Variants in JAKMIP2 observed in about 807,000 individuals in gnomAD.
JAKMIP2 encodes janus kinase and microtubule-interacting protein 2.
Under a neutral mutation model 115.0 loss-of-function variants are expected in JAKMIP2, and 25 were observed. The observed-to-expected ratio is 0.22, with a 90% CI of 0.16 to 0.30. The LOEUF is 0.30. Ranked by LOEUF, JAKMIP2 falls within the 10% of genes least tolerant of loss-of-function variation. The pLI, the probability that JAKMIP2 is intolerant of heterozygous loss-of-function variation, is 1.00. For missense variants in JAKMIP2, 642 were observed against 957.6 expected, an observed-to-expected ratio of 0.67 and a Z score of 4.35; for synonymous variants, 334 against 343.6, an observed-to-expected ratio of 0.97 and a Z score of 0.31.
At chr5:147,721,603 C>T (rs1230867734) in intron 1 of JAKMIP2, among the ~76,000 whole-genome samples, 3 of 152,150 alleles carry the variant, frequency 2.0e-5, no homozygotes, top group Non-Finnish European at 2.9e-5. Flanking sequence ...GTGGGAGTGA[C>T]CCGATTTTCC....
chr5:147,609,338 C>T (rs935415076), intron 20 of JAKMIP2, among the ~76,000 whole-genome samples: 1 of 152,192 alleles, frequency 6.6e-6, no homozygotes, highest in Non-Finnish European at 1.5e-5. Context: ...ATATTTAGTG[C>T]TTCCTTCAGG....
chr5:147,710,581 A>C (rs955562753), intron 1 of JAKMIP2, among the ~76,000 whole-genome samples: 11 of 152,196 alleles, frequency 7.2e-5, no homozygotes, highest in Non-Finnish European at 1.3e-4. Flanking sequence ...AAAGATTATA[A>C]TACTTGCTTT....
intron 1 of JAKMIP2, among the ~76,000 whole-genome samples, chr5:147,753,043 T>G (rs921901321): frequency 6.6e-6 from 1 of 152,138 alleles, no homozygotes; most frequent in Non-Finnish European, 1.5e-5. Flanking sequence ...CCTCATTCTA[T>G]AACACAAACA....
At position 147,641,744 on chromosome 5, in the gene JAKMIP2, A is replaced by G; in HGVS notation, c.1245T>C (p.Arg415=). ...ELTRDREKLI[R]RRKHRRSSKP... ...TGGAACTTCTTCTATGCTTTCTTCT[A>G]CGGATGAGCTTTTCTCGGTCCTGGA... Residue 415 remains arginine (R), a synonymous_variant, in exon 8 of 22, where the codon CGT becomes CGC. Coordinates refer to ENST00000616793, the MANE Select transcript of JAKMIP2 (RefSeq NM_001270941.2). 6.2e-7 allele frequency: 1 copy of G among 1,613,388 alleles called. No homozygotes were observed. The highest frequency in any genetic ancestry group is 8.5e-7 in the Non-Finnish European group (1 of 1,179,422).
chr5:147,743,233 A>G (rs1174369536), intron 1 of JAKMIP2, among the ~76,000 whole-genome samples: 1 of 152,196 alleles, frequency 6.6e-6, no homozygotes, highest in African/African-American at 2.4e-5. Context: ...CTGACCTGAG[A>G]CAAACCAATG....
chr5:147,669,115 A>C (rs966745721), intron 2 of JAKMIP2, among the ~76,000 whole-genome samples: 14 of 152,160 alleles, frequency 9.2e-5, no homozygotes, highest in Non-Finnish European at 1.6e-4. Flanking sequence ...GTATAAATTC[A>C]CACCTTGGCA....
At chr5:147,736,146 C>T (rs1325266796) in intron 1 of JAKMIP2, among the ~76,000 whole-genome samples, 1 of 152,028 alleles carries the variant, frequency 6.6e-6, no homozygotes, top group Non-Finnish European at 1.5e-5. Flanking sequence ...TTATCTATTT[C>T]CTGATTAATT....
intron 9 of JAKMIP2, among the ~76,000 whole-genome samples, chr5:147,640,494 A>G (rs1471845689): frequency 6.6e-6 from 1 of 152,224 alleles, no homozygotes; most frequent in Non-Finnish European, 1.5e-5. Flanking sequence ...AGAGAGTTGA[A>G]CTGGAGAGAA....
intron 20 of JAKMIP2, among the ~76,000 whole-genome samples, chr5:147,609,973 C>T (rs577044684): frequency 7.2e-5 from 11 of 152,134 alleles, no homozygotes; most frequent in Non-Finnish European, 1.2e-4. Context: ...TTGATTGATC[C>T]AGCTATGGAT....
chr5:147,714,813 C>T (rs984698898), intron 1 of JAKMIP2, among the ~76,000 whole-genome samples: 2 of 152,048 alleles, frequency 1.3e-5, no homozygotes, highest in Non-Finnish European at 2.9e-5. Context: ...AATTTGAATT[C>T]CATACCCACT....
In JAKMIP2 at chr5:147,742,155, A is replaced by ATTTT. The variant is rs755006646; in HGVS notation, c.-149+40297_-149+40300dup. Among the ~76,000 whole-genome samples, 5 of 108,906 alleles carry ATTTT rather than the reference A, an allele frequency of 4.6e-5. 1 individual carries two copies. The highest frequency in any genetic ancestry group is 3.1e-4 in the South Asian group (1 of 3,220). 71.4% of individuals were successfully genotyped at this position (108,906 alleles called of 152,430 possible). ...TGTGGATCATTATATATATATATAT[A>ATTTT]TTTTTTTTACTATTGTATTGTATCT... is the stretch of plus-strand genomic sequence containing the variant. On this transcript the variant is annotated intron_variant, in intron 1 of 21. Transcript: ENST00000616793.
chr5:147,594,915 A>C lies in JAKMIP2; in HGVS notation c.*21-3229T>G, dbSNP rs374179142. The stretch of plus-strand genomic sequence containing the variant: ...GGGAAGACATAATAATATTGTATGA[A>C]ATGTAACTGAAGCTGGAGGATCAGG... On this transcript the variant is annotated intron_variant, in intron 21 of 21. Transcript: ENST00000616793. Among the ~76,000 whole-genome samples, 9 of 152,292 alleles carry C rather than the reference A, an allele frequency of 5.9e-5. No individual in the cohort carries two copies. In the East Asian group the frequency reaches 1.4e-3, roughly 23 times the overall value.
At chr5:147,621,792 T>C (rs1756860412) in intron 17 of JAKMIP2, among the ~76,000 whole-genome samples, 1 of 152,232 alleles carries the variant, frequency 6.6e-6, no homozygotes. Flanking sequence ...GTTGTTTTTA[T>C]AGGATTCCCT....
rs1359672435 is a variant in JAKMIP2 at position 147,590,104 on chromosome 5, T to TA, written c.*1602dup. 2.0e-5 allele frequency: 3 copies of TA among 152,202 alleles called. No individual in the cohort carries two copies. The highest frequency in any genetic ancestry group is 4.4e-5 in the Non-Finnish European group (3 of 68,034). 9.4% of individuals were successfully genotyped at this position (152,202 alleles called of 1,614,324 possible). ...AGTGGGACCCCAGCATTCTAGTTTT[T>TA]ATTGTACATTCTTCAGTTATTGTTC... On this transcript the variant is annotated 3_prime_UTR_variant, in exon 22 of 22. Coordinates refer to ENST00000616793, the MANE Select transcript of JAKMIP2 (RefSeq NM_001270941.2).
At chr5:147,593,035 T>C (rs962410756) in intron 21 of JAKMIP2, among the ~76,000 whole-genome samples, 2 of 152,176 alleles carry the variant, frequency 1.3e-5, no homozygotes, top group African/African-American at 2.4e-5. Context: ...AAGATATTGA[T>C]GGTGGATTCA....
intron 1 of JAKMIP2, among the ~76,000 whole-genome samples, chr5:147,759,422 A>C (rs1464912717): frequency 6.6e-6 from 1 of 152,122 alleles, no homozygotes; most frequent in African/African-American, 2.4e-5. Context: ...GATCTAGAGC[A>C]TTTATGCACA....
At chr5:147,636,084 C>T (rs1192669082) in intron 12 of JAKMIP2, 138 bp downstream of exon 12, 12 of 647,660 alleles carry the variant, frequency 1.9e-5, no homozygotes, top group Admixed American at 1.1e-4. Flanking sequence ...CGGTTGAGCA[C>T]GCAGCCGAGG....
intron 1 of JAKMIP2, among the ~76,000 whole-genome samples, chr5:147,780,114 T>C (rs1241823551): frequency 1.3e-5 from 2 of 152,192 alleles, no homozygotes; most frequent in African/African-American, 4.8e-5. Context: ...TCCTAGCTTT[T>C]AAAAATCTTT....
chr5:147,624,241 T>C (rs1412835631), intron 16 of JAKMIP2, among the ~76,000 whole-genome samples: 2 of 152,202 alleles, frequency 1.3e-5, no homozygotes, highest in African/African-American at 4.8e-5. Context: ...TCAGGTGCTG[T>C]ACCAGGTCCT....
Sources: gnomAD v4.1 joint callset for allele counts (sites outside exome capture counted in the v4.1 genomes callset) on GRCh38, gnomAD v4.1.1 for gene constraint, MANE v1.5 for transcripts, NCBI Gene and HGNC (gene_info 2026-07-23, HGNC 2026-07-21) for gene names.